The following TAF13 variants were observed in gnomAD, a reference collection of about 807,000 sequenced individuals.
The protein encoded by TAF13 is transcription initiation factor TFIID subunit 13.
TAF13 carries 9 observed loss-of-function variants against 18.7 expected under a neutral mutation model. The ratio of observed to expected loss-of-function variants is 0.48; its 90% confidence interval spans 0.29 to 0.84. The LOEUF (loss-of-function observed/expected upper bound fraction) is 0.84, where lower values mean the gene tolerates loss of function less well. Ranked by LOEUF, TAF13 falls within the 40% of genes least tolerant of loss-of-function variation. The probability of loss-of-function intolerance (pLI) is 0.08; values close to 1 mark genes in which losing one functional copy is unlikely to be tolerated. For synonymous variants in TAF13, 49 were observed against 44.1 expected (o/e 1.11, Z -0.44); for missense variants, 105 against 146.5 (o/e 0.72, Z 1.46).
chr1:109,064,593 T>A lies in TAF13; in HGVS notation c.305A>T (p.Asp102Val). 6.3e-7 allele frequency: 1 copy of A among 1,583,552 alleles called. No individual in the cohort carries two copies. The highest frequency in any genetic ancestry group is 8.6e-7 in the Non-Finnish European group (1 of 1,165,754). Reference sequence around the variant, plus strand: ...CAATTCTTCATTCATAGTAAGCAAGTCTTTAACCCTGGCAAACTTCCTTGG... The same window carrying A: ...CAATTCTTCATTCATAGTAAGCAAGACTTTAACCCTGGCAAACTTCCTTGG... ...KDPRKFARVK[D>V]LLTMNEELKR... Residue 102 changes from aspartate (D) to valine (V), a missense_variant, in exon 4 of 4, where the codon GAC (aspartate) becomes GTC (valine). Transcript: ENST00000338366.
chr1:109,073,452 G>A (rs1020971442), intron 2 of TAF13, among the ~76,000 whole-genome samples: 30 of 152,210 alleles, frequency 2.0e-4, no homozygotes, highest in African/African-American at 6.7e-4. Context: ...CTCTGTTGCC[G>A]AGGCTGGACT....
At chr1:109,067,208 A>G (rs1007965164) in intron 2 of TAF13, among the ~76,000 whole-genome samples, 1 of 152,138 alleles carries the variant, frequency 6.6e-6, no homozygotes, top group African/African-American at 2.4e-5. Context: ...CTGTAAACCC[A>G]GCACTTTGGG....
chr1:109,073,884 C>A (rs946593391), intron 2 of TAF13, among the ~76,000 whole-genome samples: 21 of 151,908 alleles, frequency 1.4e-4, no homozygotes, highest in Non-Finnish European at 2.6e-4. Context: ...ATGTGAGGAG[C>A]GCCTCTGCTC....
rs35296800 is a variant in TAF13 at position 109,064,156 on chromosome 1, C to CAAAAAAAAAAAAAAAAAAAAAAA, written c.*344_*366dup. The CAAAAAAAAAAAAAAAAAAAAAAA allele has an allele frequency of 2.1e-5, 1 of 47,096 alleles. No homozygotes were observed. The highest frequency in any genetic ancestry group is 4.0e-4 in the Admixed American group (1 of 2,476). 2.9% of individuals were successfully genotyped at this position (47,096 alleles called of 1,614,324 possible). ...CTGCCAACATAGTGAGACTCCATCTCAAAAAAAAAAAAAAAAAAAAAAAAA... is the reference window on the plus strand; with the variant it reads ...CTGCCAACATAGTGAGACTCCATCTCAAAAAAAAAAAAAAAAAAAAAAAAAAAAAAAAAAAAAAAAAAAAAAAA... On this transcript the variant is annotated 3_prime_UTR_variant, in exon 4 of 4. Coordinates refer to ENST00000338366, the MANE Select transcript of TAF13 (RefSeq NM_005645.4).
intron 2 of TAF13, among the ~76,000 whole-genome samples, chr1:109,073,076 C>T (rs1664103735): frequency 1.3e-5 from 2 of 151,952 alleles, no homozygotes; most frequent in South Asian, 4.1e-4. Flanking sequence ...GTCCAAAGCC[C>T]AAGCCCCAAC....
intron 2 of TAF13, among the ~76,000 whole-genome samples, chr1:109,074,743 G>A (rs1664152311): frequency 6.7e-6 from 1 of 150,244 alleles, no homozygotes; most frequent in Non-Finnish European, 1.5e-5. Context: ...TTGCGCCACT[G>A]CACTCCAGCC....
At chr1:109,073,497 TGCCTGACTACAGGCGTGCGCCGCCAC>T (rs1219750531) in intron 2 of TAF13, among the ~76,000 whole-genome samples, 1 of 152,158 alleles carries the variant, frequency 6.6e-6, no homozygotes, top group Non-Finnish European at 1.5e-5. Context: ...GCAGCCTCCC[TGCCTGACTACAGGCGTGCGCCGCCAC>T]GCCTGACTGG....
chr1:109,068,639 C>T (rs1663991176), intron 2 of TAF13, among the ~76,000 whole-genome samples: 1 of 152,178 alleles, frequency 6.6e-6, no homozygotes, highest in Non-Finnish European at 1.5e-5. Context: ...TGAGCCACCA[C>T]ACCCAGCTGA....
At chr1:109,074,070 G>A (rs1298763248) in intron 2 of TAF13, among the ~76,000 whole-genome samples, 1 of 152,236 alleles carries the variant, frequency 6.6e-6, no homozygotes, top group Non-Finnish European at 1.5e-5. Flanking sequence ...ACCCTGTCTG[G>A]GAGGTGTACC....
At chr1:109,069,427 T>C (rs535274515) in intron 2 of TAF13, among the ~76,000 whole-genome samples, 2 of 152,332 alleles carry the variant, frequency 1.3e-5, no homozygotes, top group African/African-American at 4.8e-5. Flanking sequence ...TAAATAGTTG[T>C]TATACTATAC....
At chr1:109,074,053 T>G (rs541848681) in intron 2 of TAF13, among the ~76,000 whole-genome samples, 1 of 151,998 alleles carries the variant, frequency 6.6e-6, no homozygotes, top group East Asian at 1.9e-4. Context: ...CCCTCTGCCC[T>G]GCCGCCACCC....
rs1557983407 is a variant in TAF13 at position 109,064,178 on chromosome 1, A to AAAAAAAAAAC, written c.*344_*345insGTTTTTTTTT. 3.3e-5 allele frequency: 5 copies of AAAAAAAAAAC among 153,376 alleles called. No individual in the cohort carries two copies. The highest frequency in any genetic ancestry group is 7.3e-5 in the African/African-American group (3 of 40,960). The allele number at this position is 153,376 out of a possible 1,614,324, so 9.5% of individuals were successfully genotyped here. A position where few individuals can be genotyped will look rare whatever the true frequency, so the allele number is the denominator to read the frequency against. ...TCTCAAAAAAAAAAAAAAAAAAAAA[A>AAAAAAAAAAC]AAAGCTACAGTATAGCTTACAAGGG... On this transcript the variant is annotated 3_prime_UTR_variant, in exon 4 of 4. Transcript: ENST00000338366.
chr1:109,073,780 C>A (rs1410114244), intron 2 of TAF13, among the ~76,000 whole-genome samples: 1 of 152,228 alleles, frequency 6.6e-6, no homozygotes, highest in Admixed American at 6.5e-5. Flanking sequence ...CTCTGCCCGG[C>A]TGCCACCCCG....
intron 2 of TAF13, among the ~76,000 whole-genome samples, chr1:109,067,331 G>GGTGGC (rs1663967727): frequency 6.6e-6 from 1 of 151,854 alleles, no homozygotes; most frequent in East Asian, 2.0e-4. Flanking sequence ...AGGCCTGGAT[G>GGTGGC]GTGGCTCACG....
chr1:109,064,995 A>T (rs1663929273), intron 3 of TAF13, among the ~76,000 whole-genome samples: 1 of 152,096 alleles, frequency 6.6e-6, no homozygotes, highest in African/African-American at 2.4e-5. Flanking sequence ...TTTATATAAA[A>T]TAATTTTATA....
At chr1:109,073,710 C>T (rs538112031) in intron 2 of TAF13, among the ~76,000 whole-genome samples, 1 of 152,160 alleles carries the variant, frequency 6.6e-6, no homozygotes, top group Non-Finnish European at 1.5e-5. Flanking sequence ...GATCTCGGCT[C>T]GCTACAACCT....
At position 109,064,390 on chromosome 1, in the gene TAF13, A is replaced by T. The variant is rs1663916206; in HGVS notation, c.*133T>A. 1.2e-6 allele frequency: 1 copy of T among 841,728 alleles called. No homozygotes were observed. Among genetic ancestry groups the T allele is most frequent in the Non-Finnish European group, 1.6e-6 (1 of 606,838 alleles). The allele number at this position is 841,728 out of a possible 1,614,324, so 52.1% of individuals were successfully genotyped here. A position where few individuals can be genotyped will look rare whatever the true frequency, so the allele number is the denominator to read the frequency against. On this transcript the variant is annotated 3_prime_UTR_variant, in exon 4 of 4. Transcript: ENST00000338366. ...TATCACCCTAAAATCAAAGGCATAAAAATAAAGGCTGAAAACTTTGTGTTT... is the reference window on the plus strand; with the variant it reads ...TATCACCCTAAAATCAAAGGCATAATAATAAAGGCTGAAAACTTTGTGTTT...
chr1:109,066,185 C>G lies in TAF13; in HGVS notation c.154G>C (p.Glu52Gln), dbSNP rs1454319841. The stretch of plus-strand genomic sequence containing the variant: ...AGATCTTCAAGAATATCCACTGACT[C>G]AGTATAAGGATTCTGGTCATCCCCA... ...GFGDDQNPYT[E>Q]SVDILEDLVI... Residue 52 changes from glutamate (E) to glutamine (Q), a missense_variant, in exon 3 of 4, where the codon GAG becomes CAG. Physicochemically the swap from Glu to Gln is conservative, Grantham distance 29. Transcript: ENST00000338366. The G allele has an allele frequency of 6.2e-7, 1 of 1,612,994 alleles. No homozygotes were observed. Among genetic ancestry groups the G allele is most frequent in the Admixed American group, 1.7e-5 (1 of 59,670 alleles).
At position 109,064,384 on chromosome 1, in the gene TAF13, G is replaced by C; in HGVS notation, c.*139C>G. ...CACCAATATCACCCTAAAATCAAAG[G>C]CATAAAAATAAAGGCTGAAAACTTT... On this transcript the variant is annotated 3_prime_UTR_variant, in exon 4 of 4. Transcript: ENST00000338366. 1.4e-6 allele frequency: 1 copy of C among 710,456 alleles called. No individual in the cohort carries two copies. Among genetic ancestry groups the C allele is most frequent in the South Asian group, 4.4e-5 (1 of 22,920 alleles). The allele number at this position is 710,456 out of a possible 1,614,324, so 44.0% of individuals were successfully genotyped here.
Sources: allele counts gnomAD v4.1 joint callset (sites outside exome capture counted in the v4.1 genomes callset), GRCh38; gene constraint gnomAD v4.1.1; transcripts MANE v1.5; gene names NCBI Gene and HGNC (gene_info 2026-07-23, HGNC 2026-07-21).